The following PRRX1 variants were observed in gnomAD, a reference collection of about 807,000 sequenced individuals.
The protein encoded by PRRX1 is paired mesoderm homeobox protein 1.
Under a neutral mutation model 24.0 loss-of-function variants are expected in PRRX1, and 8 were observed. That is an observed-to-expected ratio of 0.33 (90% CI 0.20 to 0.60). The LOEUF is 0.60. Among genes scored for constraint, PRRX1 ranks in the 20% least tolerant of loss-of-function variants. The probability of loss-of-function intolerance (pLI) is 0.82; values close to 1 mark genes in which losing one functional copy is unlikely to be tolerated. For missense variants in PRRX1, 281 were observed against 322.4 expected, an observed-to-expected ratio of 0.87 and a Z score of 0.98; for synonymous variants, 160 against 131.7, an observed-to-expected ratio of 1.22 and a Z score of -1.47.
intron 3 of PRRX1, chr1:170,728,023 A>G (rs1350545736): frequency 1.3e-5 from 2 of 152,232 alleles, no homozygotes; most frequent in Non-Finnish European, 2.9e-5. Flanking sequence ...GGTGTGGTTC[A>G]AAGCCTGATG....
chr1:170,725,203 A>G (rs1655217252), intron 2 of PRRX1, among the ~76,000 whole-genome samples: 1 of 152,190 alleles, frequency 6.6e-6, no homozygotes, highest in African/African-American at 2.4e-5. Flanking sequence ...GGTTTTCTAG[A>G]TACAGGATCA....
At chr1:170,666,970 G>T (rs532040858) in intron 1 of PRRX1, among the ~76,000 whole-genome samples, 1 of 152,236 alleles carries the variant, frequency 6.6e-6, no homozygotes, top group East Asian at 1.9e-4. Context: ...TGGCGCCTCA[G>T]AGGCCCTGTG....
chr1:170,664,088 C>CT, upstream of PRRX1: 1 of 661,374 alleles, frequency 1.5e-6, no homozygotes, highest in Non-Finnish European at 2.2e-6. Flanking sequence ...CCTCTTCCTC[C>CT]CTCTCTCTCT....
intron 1 of PRRX1, among the ~76,000 whole-genome samples, chr1:170,673,126 G>A (rs1010279866): frequency 6.6e-6 from 1 of 152,084 alleles, no homozygotes; most frequent in African/African-American, 2.4e-5. Context: ...TTTAGGTTTT[G>A]GGGACTGGAT....
chr1:170,730,552 T>C (rs1655403875), intron 3 of PRRX1: 3 of 554,520 alleles, frequency 5.4e-6, no homozygotes, highest in Non-Finnish European at 9.7e-6. Flanking sequence ...GCAGGGCTCT[T>C]CAGAGATTGC....
chr1:170,734,223 ATT>A (rs11300488), intron 3 of PRRX1, among the ~76,000 whole-genome samples: 36,456 of 144,406 alleles, frequency 0.25, 4,649 homozygotes, highest in East Asian at 0.46. Context: ...TATTGGTAAG[ATT>A]TTTTTTTTTT....
chr1:170,699,251 G>GGACTTTTCTGTGGAAAA (rs1558053105), intron 1 of PRRX1, among the ~76,000 whole-genome samples: 2 of 152,030 alleles, frequency 1.3e-5, no homozygotes, highest in Non-Finnish European at 2.9e-5. Flanking sequence ...AGCACATAAA[G>GGACTTTTCTGTGGAAAA]GACTTTTCTG....
intron 1 of PRRX1, among the ~76,000 whole-genome samples, chr1:170,671,902 A>G (rs2101885503): frequency 6.6e-6 from 1 of 152,276 alleles, no homozygotes; most frequent in Middle Eastern, 3.4e-3. Flanking sequence ...TGAGGTCTTC[A>G]AAGAAAGAAG....
chr1:170,682,515 T>C (rs559696957), intron 1 of PRRX1, among the ~76,000 whole-genome samples: 17 of 152,162 alleles, frequency 1.1e-4, no homozygotes, highest in African/African-American at 4.1e-4. Context: ...CCCCATCTCC[T>C]GGGATTTGTT....
chr1:170,730,374 T>TG, intron 3 of PRRX1: 1 of 1,573,168 alleles, frequency 6.4e-7, no homozygotes, highest in Non-Finnish European at 8.7e-7. Context: ...GGGAAGAGGG[T>TG]GGCTGCTTGG....
intron 1 of PRRX1, among the ~76,000 whole-genome samples, chr1:170,690,713 TG>T (rs1653915969): frequency 6.6e-6 from 1 of 152,086 alleles, no homozygotes; most frequent in African/African-American, 2.4e-5. Context: ...ATGTTTTTAT[TG>T]GGTCAGGGCA....
At chr1:170,666,382 C>T (rs1367176789) in intron 1 of PRRX1, among the ~76,000 whole-genome samples, 3 of 136,606 alleles carry the variant, frequency 2.2e-5, no homozygotes, top group Non-Finnish European at 4.6e-5. Flanking sequence ...AGTGCCACTG[C>T]ACTCCAGTCT....
chr1:170,711,437 A>C (rs1213740992), intron 1 of PRRX1, among the ~76,000 whole-genome samples: 2 of 152,196 alleles, frequency 1.3e-5, no homozygotes, highest in East Asian at 3.8e-4. Flanking sequence ...CTATCTAAGC[A>C]GAGAAGCTCT....
upstream of PRRX1, chr1:170,663,422 G>A (rs1652793960): frequency 2.7e-5 from 1 of 37,348 alleles, no homozygotes; most frequent in Non-Finnish European, 4.8e-5. Context: ...AAGAAGAGGG[G>A]GAGAGAGAGA....
Position 170,736,622 on chromosome 1 carries a change from C to T in PRRX1, c.*436C>T. 4.7e-6 allele frequency: 1 copy of T among 211,330 alleles called. No individual in the cohort carries two copies. The highest frequency in any genetic ancestry group is 9.8e-6 in the Non-Finnish European group (1 of 102,048). The allele number at this position is 211,330 out of a possible 1,614,324, so 13.1% of individuals were successfully genotyped here. A position where few individuals can be genotyped will look rare whatever the true frequency, so the allele number is the denominator to read the frequency against. Reference sequence around the variant, plus strand: ...CATTGACTTGTTTGAACCTTAGTGCCTTACCCTGTCCTCTTCCCAGTTCTC... The same window carrying T: ...CATTGACTTGTTTGAACCTTAGTGCTTTACCCTGTCCTCTTCCCAGTTCTC... On this transcript the variant is annotated 3_prime_UTR_variant, in exon 4 of 4. Transcript: ENST00000239461.
intron 1 of PRRX1, among the ~76,000 whole-genome samples, chr1:170,701,240 C>T (rs1654349612): frequency 1.3e-5 from 2 of 152,188 alleles, no homozygotes; most frequent in South Asian, 4.1e-4. Context: ...CATTATCTTA[C>T]ATAACTCATT....
intron 3 of PRRX1, chr1:170,730,430 T>G: frequency 1.6e-6 from 2 of 1,235,106 alleles, no homozygotes; most frequent in Non-Finnish European, 2.4e-6. Flanking sequence ...AAGTGGGGGT[T>G]GCAGTTCTAG....
chr1:170,703,926 T>G (rs1654477662), intron 1 of PRRX1, among the ~76,000 whole-genome samples: 1 of 152,230 alleles, frequency 6.6e-6, no homozygotes, highest in South Asian at 2.1e-4. Context: ...ATTGTGTGAA[T>G]CGAGCACTAG....
intron 1 of PRRX1, among the ~76,000 whole-genome samples, chr1:170,686,286 T>TA (rs1354771772): frequency 1.3e-5 from 2 of 151,866 alleles, no homozygotes; most frequent in African/African-American, 2.4e-5. Context: ...CTTAGAGGAC[T>TA]AAAAACCTAA....
Sources: gnomAD v4.1 joint callset for allele counts (sites outside exome capture counted in the v4.1 genomes callset) on GRCh38, gnomAD v4.1.1 for gene constraint, MANE v1.5 for transcripts, NCBI Gene and HGNC (gene_info 2026-07-23, HGNC 2026-07-21) for gene names.